PDE1C: variants seen among roughly 807,000 people sequenced by gnomAD.
PDE1C encodes the protein dual specificity calcium/calmodulin-dependent 3',5'-cyclic nucleotide phosphodiesterase 1C.
A neutral mutation model predicts 93.1 loss-of-function variants in PDE1C; 62 were observed. That is an observed-to-expected ratio of 0.67 (90% CI 0.54 to 0.82). PDE1C has a LOEUF of 0.82. Among genes scored for constraint, PDE1C ranks in the 40% least tolerant of loss-of-function variants. The probability of loss-of-function intolerance (pLI) is 0.00; values close to 1 mark genes in which losing one functional copy is unlikely to be tolerated. For missense variants in PDE1C, 742 were observed against 884.6 expected (o/e 0.84, Z 2.04); for synonymous variants, 325 against 310.1 (o/e 1.05, Z -0.50).
intron 2 of PDE1C, among the ~76,000 whole-genome samples, chr7:31,914,848 A>C (rs1480025983): frequency 6.6e-6 from 1 of 152,216 alleles, no homozygotes; most frequent in African/African-American, 2.4e-5. Flanking sequence ...TATGAAGGGC[A>C]TCATTACTAT....
At chr7:31,664,735 C>T in the PDE1C span, among the ~76,000 whole-genome samples, 3 of 152,312 alleles carry the variant, frequency 2.0e-5, no homozygotes, top group African/African-American at 7.2e-5. Flanking sequence ...TTAATTGAGT[C>T]TTTTCAGATC....
intron 2 of PDE1C, among the ~76,000 whole-genome samples, chr7:31,954,051 T>C (rs543141270): frequency 2.0e-5 from 3 of 152,346 alleles, no homozygotes; most frequent in South Asian, 2.1e-4. Context: ...ATGAGGTCCA[T>C]AAGGCTAAAA....
At chr7:31,733,101 G>T in the PDE1C span, among the ~76,000 whole-genome samples, 1 of 152,168 alleles carries the variant, frequency 6.6e-6, no homozygotes, top group Non-Finnish European at 1.5e-5. Flanking sequence ...TTCCCCTAAA[G>T]GGCACATACA....
Position 32,298,459 on chromosome 7 carries a change from C to CG in PDE1C, c.85+191dup, listed in dbSNP as rs775211632. On this transcript the variant is annotated intron_variant, in intron 1 of 18. Coordinates refer to the PDE1C transcript ENST00000396193. The stretch of plus-strand genomic sequence containing the variant: ...CCGGGTCGGAGCCCGCGAGGGGTGC[C>CG]GGGGGGGACAGCCCAGGGTGCGGCT... Among the ~76,000 whole-genome samples the CG allele has an allele frequency of 1.3e-4, 20 of 152,104 alleles. No homozygotes were observed. In the East Asian group the frequency reaches 1.4e-3, roughly 10 times the overall value.
intron 3 of PDE1C, among the ~76,000 whole-genome samples, chr7:32,126,576 T>C (rs1463228372): frequency 2.0e-5 from 3 of 152,160 alleles, no homozygotes; most frequent in African/African-American, 4.8e-5. Flanking sequence ...TTTGGAAAGC[T>C]CAATTTGCAT....
the PDE1C span, among the ~76,000 whole-genome samples, chr7:31,735,118 G>T: frequency 1.3e-5 from 2 of 152,220 alleles, no homozygotes; most frequent in Non-Finnish European, 2.9e-5. Flanking sequence ...GATTGCATAG[G>T]CAGGGTGCAG....
At chr7:32,225,950 C>T (rs1484314847) in intron 1 of PDE1C, among the ~76,000 whole-genome samples, 1 of 151,800 alleles carries the variant, frequency 6.6e-6, no homozygotes, top group Non-Finnish European at 1.5e-5. Flanking sequence ...CCCAGCTACT[C>T]GGGAGGCTGA....
intron 1 of PDE1C, among the ~76,000 whole-genome samples, chr7:32,412,455 C>CAAA (rs34753013): frequency 0.18 from 14,920 of 85,026 alleles, 1,520 homozygotes; most frequent in African/African-American, 0.32. Flanking sequence ...GACCCTGTCT[C>CAAA]AAAAAAAAAA....
chr7:32,307,121 T>C (rs1277135514), intron 1 of PDE1C, among the ~76,000 whole-genome samples: 1 of 152,248 alleles, frequency 6.6e-6, no homozygotes, highest in African/African-American at 2.4e-5. Context: ...TATGTGCAGA[T>C]AGTTTGCATC....
At chr7:32,034,476 C>A (rs543104029) in intron 2 of PDE1C, among the ~76,000 whole-genome samples, 1 of 152,136 alleles carries the variant, frequency 6.6e-6, no homozygotes. Flanking sequence ...AGAGGCTGAG[C>A]GATTTGGAGA....
chr7:32,387,882 G>A (rs899760868), intron 1 of PDE1C, among the ~76,000 whole-genome samples: 2 of 145,728 alleles, frequency 1.4e-5, no homozygotes, highest in African/African-American at 5.2e-5. Flanking sequence ...CCTCCCGGAC[G>A]GGGCGGCTGA....
intron 1 of PDE1C, among the ~76,000 whole-genome samples, chr7:32,251,116 T>C (rs1225820630): frequency 6.6e-6 from 1 of 152,234 alleles, no homozygotes; most frequent in Non-Finnish European, 1.5e-5. Context: ...GCTAACTTCT[T>C]TAAACTGTGG....
At chr7:32,358,806 C>T (rs1190287570) in intron 1 of PDE1C, among the ~76,000 whole-genome samples, 3 of 151,740 alleles carry the variant, frequency 2.0e-5, no homozygotes, top group African/African-American at 4.8e-5. Flanking sequence ...GTGGGGATTT[C>T]GATCCAGCAT....
At chr7:32,169,788 A>C (rs1802530693) in exon 3 of PDE1C, 1 of 1,612,252 alleles carries the variant, frequency 6.2e-7, no homozygotes, top group Non-Finnish European at 8.5e-7. Context: ...ACCAAACCTG[A>C]AGGATGTCTT....
upstream of PDE1C, among the ~76,000 whole-genome samples, chr7:32,302,284 C>G (rs1315259736): frequency 6.6e-6 from 1 of 152,138 alleles, no homozygotes; most frequent in Non-Finnish European, 1.5e-5. Context: ...GGAATGGATT[C>G]TAACAAGGAA....
At chr7:31,804,922 G>A (rs1285390451) in intron 16 of PDE1C, among the ~76,000 whole-genome samples, 1 of 151,804 alleles carries the variant, frequency 6.6e-6, no homozygotes, top group Non-Finnish European at 1.5e-5. Context: ...ATGGTTGGCT[G>A]TGTCCCCACC....
At chr7:31,762,769 C>T (rs1381863621) in intron 17 of PDE1C, among the ~76,000 whole-genome samples, 1 of 152,150 alleles carries the variant, frequency 6.6e-6, no homozygotes, top group Non-Finnish European at 1.5e-5. Context: ...AGGAAGCTTG[C>T]AGTCTGAGAA....
At chr7:31,640,786 C>G in the PDE1C span, among the ~76,000 whole-genome samples, 1 of 152,052 alleles carries the variant, frequency 6.6e-6, no homozygotes. Context: ...TTTTTTTACC[C>G]TTAACTGTGT....
At chr7:31,779,770 ATC>A (rs1306896451) in intron 16 of PDE1C, among the ~76,000 whole-genome samples, 1 of 152,102 alleles carries the variant, frequency 6.6e-6, no homozygotes, top group Non-Finnish European at 1.5e-5. Flanking sequence ...TGTTCTTGAA[ATC>A]TCTTTCCATG....
Sources: allele counts gnomAD v4.1 joint callset (sites outside exome capture counted in the v4.1 genomes callset), GRCh38; gene constraint gnomAD v4.1.1; transcripts MANE v1.5; gene names NCBI Gene and HGNC (gene_info 2026-07-23, HGNC 2026-07-21).